LPCAT2: variants seen among roughly 807,000 people sequenced by gnomAD.
LPCAT2 encodes lysophosphatidylcholine acyltransferase 2.
LPCAT2 carries 58 observed loss-of-function variants against 64.7 expected under a neutral mutation model. That is an observed-to-expected ratio of 0.90 (90% CI 0.73 to 1.12). LPCAT2 has a LOEUF of 1.12. LPCAT2 is among the 50% of genes most tolerant of loss of function. The pLI is 0.00. For missense variants in LPCAT2, 579 were observed against 669.8 expected, an observed-to-expected ratio of 0.86 and a Z score of 1.50; for synonymous variants, 252 against 245.3, an observed-to-expected ratio of 1.03 and a Z score of -0.26.
chr16:55,570,563 G>C (rs527388636), intron 11 of LPCAT2, among the ~76,000 whole-genome samples: 1 of 152,070 alleles, frequency 6.6e-6, no homozygotes, highest in East Asian at 1.9e-4. Flanking sequence ...GAGCCCGGGG[G>C]GTCCAGCCTG....
chr16:55,580,703 T>C (rs779747766), intron 13 of LPCAT2, among the ~76,000 whole-genome samples: 94 of 152,200 alleles, frequency 6.2e-4, no homozygotes, highest in Non-Finnish European at 8.8e-4. Flanking sequence ...CCTTAGGCCA[T>C]GGACCGGTGC....
intron 11 of LPCAT2, among the ~76,000 whole-genome samples, chr16:55,564,078 A>G (rs1261889110): frequency 6.6e-6 from 1 of 151,970 alleles, no homozygotes; most frequent in Non-Finnish European, 1.5e-5. Flanking sequence ...TCTGAAAAGG[A>G]AACTAAGAAA....
chr16:55,546,381 T>A (rs1453942162), intron 9 of LPCAT2, among the ~76,000 whole-genome samples: 2 of 152,180 alleles, frequency 1.3e-5, no homozygotes, highest in African/African-American at 2.4e-5. Flanking sequence ...TGAAAGAATG[T>A]ATTATACTAT....
At chr16:55,579,876 C>T (rs1186156749) in intron 13 of LPCAT2, among the ~76,000 whole-genome samples, 1 of 152,200 alleles carries the variant, frequency 6.6e-6, no homozygotes, top group African/African-American at 2.4e-5. Context: ...GGCAAAGTGG[C>T]AGGTCTATCC....
chr16:55,509,991 C>T (rs1250630989), intron 1 of LPCAT2, among the ~76,000 whole-genome samples: 122 of 102,494 alleles, frequency 1.2e-3, no homozygotes, highest in Non-Finnish European at 1.4e-3. Flanking sequence ...TTGAAGAAGT[C>T]TTTTTTTTTT....
Position 55,509,245 on chromosome 16 carries a change from G to GT in LPCAT2, c.65dup (p.Leu24AlafsTer70), listed in dbSNP as rs1268966991. On this transcript the variant is annotated frameshift_variant, in exon 1 of 14. Transcript: ENST00000262134. LOFTEE classifies it high-confidence loss of function. ...AGTGCCAGGTGCCGGCGTCGGGAACGTGGGGCTGCGGCCGCCCATGGTGCC... is the reference window on the plus strand; with the variant it reads ...AGTGCCAGGTGCCGGCGTCGGGAACGTTGGGGCTGCGGCCGCCCATGGTGCC... 2.0e-6 allele frequency: 3 copies of GT among 1,487,424 alleles called. No individual in the cohort carries two copies. Among genetic ancestry groups the GT allele is most frequent in the Non-Finnish European group, 2.7e-6 (3 of 1,112,178 alleles). 92.1% of individuals were successfully genotyped at this position (1,487,424 alleles called of 1,614,324 possible).
At chr16:55,540,556 G>A (rs540797576) in intron 8 of LPCAT2, 4 of 152,258 alleles carry the variant, frequency 2.6e-5, no homozygotes, top group East Asian at 1.9e-4. Flanking sequence ...TAAGTGGGCC[G>A]CAGCTAGTTT....
Position 55,584,920 on chromosome 16 carries a change from G to A in LPCAT2, c.*1822G>A, listed in dbSNP as rs1963928042. On this transcript the variant is annotated 3_prime_UTR_variant, in exon 14 of 14. Transcript: ENST00000262134. Reference sequence around the variant, plus strand: ...TAGAACAGTACATTTTTATCAGAGTGTCTGTCATATGCAATGAATGTATGT... The same window carrying A: ...TAGAACAGTACATTTTTATCAGAGTATCTGTCATATGCAATGAATGTATGT... 8.2e-5 allele frequency: 4 copies of A among 48,750 alleles called. No individual in the cohort carries two copies. The allele number at this position is 48,750 out of a possible 1,614,324, so 3.0% of individuals were successfully genotyped here. A position where few individuals can be genotyped will look rare whatever the true frequency, so the allele number is the denominator to read the frequency against.
chr16:55,529,304 CA>C (rs1240616574), intron 3 of LPCAT2, among the ~76,000 whole-genome samples: 2 of 151,446 alleles, frequency 1.3e-5, no homozygotes, highest in African/African-American at 4.9e-5. Context: ...TCAGCTAAGA[CA>C]TTTTTTTTTT....
At chr16:55,527,131 C>A (rs1410748029) in intron 2 of LPCAT2, among the ~76,000 whole-genome samples, 1 of 152,136 alleles carries the variant, frequency 6.6e-6, no homozygotes, top group African/African-American at 2.4e-5. Context: ...GTTTTCTTTA[C>A]CTCCTTCTTG....
chr16:55,536,205 A>ATACC (rs556752711), intron 7 of LPCAT2, among the ~76,000 whole-genome samples: 1,574 of 152,292 alleles, frequency 0.01, 15 homozygotes, highest in Non-Finnish European at 0.016. Flanking sequence ...TACAGATTCT[A>ATACC]AGAAACAGAT....
intron 11 of LPCAT2, chr16:55,566,723 GA>G: frequency 6.4e-7 from 1 of 1,573,084 alleles, no homozygotes; most frequent in East Asian, 2.2e-5. Context: ...CCATCTCTAA[GA>G]TTGCTGCCGC....
Position 55,537,605 on chromosome 16 carries a change from C to T in LPCAT2, c.825C>T (p.Cys275=), listed in dbSNP as rs1376111230. The T allele has an allele frequency of 1.2e-6, 2 of 1,613,210 alleles. No homozygotes were observed. Among genetic ancestry groups the T allele is most frequent in the Admixed American group, 1.7e-5 (1 of 59,928 alleles). The part of the protein sequence containing the change: ...TFIQLCMLTF[C]QLFTKVEVEF... ...TTCAGCTTTGTATGCTTACTTTCTGCCAGCTCTTCACAAAGGTAGAAGTTG... is the reference window on the plus strand; with the variant it reads ...TTCAGCTTTGTATGCTTACTTTCTGTCAGCTCTTCACAAAGGTAGAAGTTG... Residue 275 remains cysteine (C), a synonymous_variant, in exon 8 of 14, where the codon TGC becomes TGT. Coordinates refer to ENST00000262134, the MANE Select transcript of LPCAT2 (RefSeq NM_017839.5).
At chr16:55,511,088 A>G (rs1229799667) in intron 1 of LPCAT2, among the ~76,000 whole-genome samples, 2 of 152,146 alleles carry the variant, frequency 1.3e-5, no homozygotes, top group Non-Finnish European at 2.9e-5. Context: ...TCTCTGAACT[A>G]TACTTTTCTC....
intron 11 of LPCAT2, chr16:55,551,403 C>A (rs1963516995): frequency 6.5e-6 from 1 of 153,386 alleles, no homozygotes; most frequent in Non-Finnish European, 1.4e-5. Flanking sequence ...TTTTAAATAC[C>A]AGGTCAGAAA....
chr16:55,576,048 A>G (rs1963823822), intron 12 of LPCAT2, among the ~76,000 whole-genome samples: 1 of 152,218 alleles, frequency 6.6e-6, no homozygotes, highest in Non-Finnish European at 1.5e-5. Context: ...TTGGTTTACC[A>G]ATGAAAGACC....
chr16:55,509,405 A>T, intron 1 of LPCAT2, 53 bp downstream of exon 1: 1 of 993,154 alleles, frequency 1.0e-6, no homozygotes. Flanking sequence ...CCTAGGTCAG[A>T]GGGGGGTCCA....
At chr16:55,555,747 T>C (rs184133519) in intron 11 of LPCAT2, among the ~76,000 whole-genome samples, 1 of 152,346 alleles carries the variant, frequency 6.6e-6, no homozygotes, top group East Asian at 1.9e-4. Context: ...GAAATACTAA[T>C]GTATGACTGC....
chr16:55,538,873 C>T (rs988777146), intron 8 of LPCAT2: 3 of 151,942 alleles, frequency 2.0e-5, no homozygotes, highest in Non-Finnish European at 4.4e-5. Context: ...AGATATCTCC[C>T]GGAACCAGTG....
Sources: allele counts gnomAD v4.1 joint callset (sites outside exome capture counted in the v4.1 genomes callset), GRCh38; gene constraint gnomAD v4.1.1; transcripts MANE v1.5; gene names NCBI Gene and HGNC (gene_info 2026-07-23, HGNC 2026-07-21).